NFASC: variants seen among roughly 807,000 people sequenced by gnomAD.
NFASC encodes neurofascin, also known as neurofascin homolog.
Under a neutral mutation model 147.5 loss-of-function variants are expected in NFASC, and 43 were observed. That is an observed-to-expected ratio of 0.29 (90% CI 0.23 to 0.38). The LOEUF is 0.38. NFASC is among the 10% of genes least tolerant of loss of function. The pLI is 1.00. For synonymous variants in NFASC, 622 were observed against 665.5 expected, an observed-to-expected ratio of 0.93 and a Z score of 1.01; for missense variants, 1,320 against 1,689.0, an observed-to-expected ratio of 0.78 and a Z score of 3.83.
At chr1:204,871,549 G>A (rs551433181) in intron 1 of NFASC, among the ~76,000 whole-genome samples, 2 of 152,132 alleles carry the variant, frequency 1.3e-5, no homozygotes, top group African/African-American at 2.4e-5. Flanking sequence ...CTGTTCCCTC[G>A]TTTGGCCATT....
chr1:204,874,183 G>A (rs74138644), intron 1 of NFASC, among the ~76,000 whole-genome samples: 205 of 152,282 alleles, frequency 1.3e-3, no homozygotes, highest in African/African-American at 4.5e-3. Context: ...ATCTTCCTGC[G>A]CTGGGGGACA....
intron 23 of NFASC, chr1:204,989,222 T>A (rs1160938993): frequency 4.6e-6 from 1 of 217,106 alleles, no homozygotes; most frequent in East Asian, 1.2e-4. Flanking sequence ...ACAACCTTCT[T>A]TCTTCGAAGG....
At chr1:204,926,396 ATATATATATATTTTTTT>A (rs1398528183) in intron 2 of NFASC, among the ~76,000 whole-genome samples, 2 of 35,544 alleles carry the variant, frequency 5.6e-5, no homozygotes, top group African/African-American at 1.6e-4. Flanking sequence ...ATATATATAT[ATATATATATATTTTTTT>A]TTTTTTTTTT....
intron 1 of NFASC, among the ~76,000 whole-genome samples, chr1:204,913,192 G>A (rs1186203823): frequency 6.6e-6 from 1 of 152,056 alleles, no homozygotes; most frequent in Non-Finnish European, 1.5e-5. Flanking sequence ...AAATGAAATT[G>A]AAGAATTCCA....
chr1:204,870,747 C>T (rs1001181091), intron 1 of NFASC: 7 of 1,154,212 alleles, frequency 6.1e-6, no homozygotes, highest in African/African-American at 3.2e-5. Context: ...GTTCCATTCA[C>T]GGCACTCTCA....
At chr1:204,894,474 AGTT>A (rs746545319) in intron 1 of NFASC, among the ~76,000 whole-genome samples, 8 of 152,244 alleles carry the variant, frequency 5.3e-5, no homozygotes, top group Non-Finnish European at 1.2e-4. Flanking sequence ...TATCAAGAAC[AGTT>A]GTTTTACCAT....
chr1:204,916,891 C>G (rs964624882), intron 1 of NFASC, among the ~76,000 whole-genome samples: 3 of 151,992 alleles, frequency 2.0e-5, no homozygotes, highest in African/African-American at 7.2e-5. Flanking sequence ...ATTCTTTACA[C>G]CTATTTCCTC....
chr1:204,869,777 A>C (rs2077437406), intron 1 of NFASC, among the ~76,000 whole-genome samples: 1 of 152,172 alleles, frequency 6.6e-6, no homozygotes, highest in South Asian at 2.1e-4. Context: ...TATAATCTCC[A>C]CACTATACTG....
intron 29 of NFASC, among the ~76,000 whole-genome samples, chr1:205,014,379 G>A (rs958036440): frequency 2.0e-5 from 3 of 152,214 alleles, no homozygotes; most frequent in African/African-American, 7.2e-5. Flanking sequence ...CCCTAACCTG[G>A]GAAAAGGCTG....
Position 204,979,570 on chromosome 1 carries a change from G to A in NFASC, c.2176+11G>A, listed in dbSNP as rs376568222. 9.3e-6 allele frequency: 15 copies of A among 1,612,850 alleles called. No homozygotes were observed. Among genetic ancestry groups the A allele is most frequent in the African/African-American group, 6.7e-5 (5 of 74,888 alleles). On this transcript the variant is annotated intron_variant, in intron 19 of 29. Coordinates refer to ENST00000339876, the MANE Select transcript of NFASC (RefSeq NM_001005388.3). The surrounding 1 kb of genome is among the most constrained non-coding windows in gnomAD (Gnocchi z 6.0). ...GAACCAGTGGAGCACGTGAGTACCC[G>A]AGGGCTGCCAGAGAAGGCTCCGGAA...
At chr1:204,897,378 G>A (rs981882319) in intron 1 of NFASC, among the ~76,000 whole-genome samples, 11 of 152,108 alleles carry the variant, frequency 7.2e-5, no homozygotes, top group Admixed American at 5.9e-4. Context: ...AGGAAACCCC[G>A]GAGCAAGGCC....
At chr1:204,872,708 C>G (rs1315743598) in intron 1 of NFASC, among the ~76,000 whole-genome samples, 1 of 152,192 alleles carries the variant, frequency 6.6e-6, no homozygotes, top group Non-Finnish European at 1.5e-5. Context: ...GGACAACCCT[C>G]TCTCTGAGGC....
chr1:204,868,417 G>T (rs766553489), intron 1 of NFASC, among the ~76,000 whole-genome samples: 3 of 152,166 alleles, frequency 2.0e-5, no homozygotes, highest in African/African-American at 7.2e-5. Flanking sequence ...ACATGCTGGC[G>T]CTCTCCCCCA....
intron 1 of NFASC, among the ~76,000 whole-genome samples, chr1:204,858,255 G>A (rs1007897554): frequency 1.3e-5 from 2 of 152,026 alleles, no homozygotes; most frequent in Admixed American, 1.3e-4. Flanking sequence ...CAGTCATATT[G>A]GATTAAGGCC....
intron 1 of NFASC, among the ~76,000 whole-genome samples, chr1:204,840,653 A>C (rs1675072835): frequency 6.6e-6 from 1 of 151,840 alleles, no homozygotes; most frequent in Non-Finnish European, 1.5e-5. Context: ...CCTGGCCACC[A>C]CTCCTGTAGA....
chr1:204,952,649 A>G (rs1161054999), intron 5 of NFASC, among the ~76,000 whole-genome samples: 2 of 152,234 alleles, frequency 1.3e-5, no homozygotes, highest in African/African-American at 4.8e-5. Context: ...GAAAAGGGGT[A>G]CAAAGGTCCA....
rs745864052 is a variant in NFASC, at chr1:204,997,280, A to G, written c.2893A>G (p.Thr965Ala). The G allele has an allele frequency of 1.9e-6, 3 of 1,611,654 alleles. No homozygotes were observed. The highest frequency in any genetic ancestry group is 2.7e-5 in the African/African-American group (2 of 74,798). Residue 965 changes from threonine to alanine, a missense_variant, in exon 25 of 30, where the codon ACT becomes GCT. Physicochemically the swap from Thr to Ala is moderately conservative, Grantham distance 58. Transcript: ENST00000339876. ...AGCCACAACAGTCCCCATCATCCCA[A>G]CTGTCGCACCTACCACCATCGCCAC... ...TEATTVPIIPTVAPTTIATTT... is the reference protein window; with the variant it reads ...TEATTVPIIPAVAPTTIATTT...
intron 1 of NFASC, among the ~76,000 whole-genome samples, chr1:204,829,456 C>T (rs566179282): frequency 1.3e-5 from 2 of 152,090 alleles, no homozygotes; most frequent in South Asian, 4.2e-4. Flanking sequence ...AGCCATACAG[C>T]CTGTACCCAG....
Position 204,920,668 on chromosome 1 carries a change from T to G in NFASC, c.-163T>G. The G allele has an allele frequency of 7.8e-7, 1 of 1,289,676 alleles. No individual in the cohort carries two copies. The highest frequency in any genetic ancestry group is 1.0e-6 in the Non-Finnish European group (1 of 988,832). The allele number at this position is 1,289,676 out of a possible 1,614,324, so 79.9% of individuals were successfully genotyped here. On this transcript the variant is annotated 5_prime_UTR_variant, in exon 2 of 30. Coordinates refer to ENST00000339876, the MANE Select transcript of NFASC (RefSeq NM_001005388.3). ...TATGTGCAATTTGGGACGCTGGAGT[T>G]TACCTTCCCTCCGCAGCCTGGAACA...
Sources: gnomAD v4.1 joint callset for allele counts (sites outside exome capture counted in the v4.1 genomes callset) on GRCh38, gnomAD v4.1.1 for gene constraint, Gnocchi (gnomAD v3.1) non-coding constraint, MANE v1.5 for transcripts, NCBI Gene and HGNC (gene_info 2026-07-23, HGNC 2026-07-21) for gene names.